SETD3: variants seen among roughly 807,000 people sequenced by gnomAD.
The protein encoded by SETD3 is actin-histidine N-methyltransferase.
Under a neutral mutation model 63.0 loss-of-function variants are expected in SETD3, and 19 were observed. The ratio of observed to expected loss-of-function variants is 0.30; its 90% CI spans 0.21 to 0.44. SETD3 has a LOEUF of 0.44. SETD3 is among the 20% of genes least tolerant of loss of function. The pLI, the probability that SETD3 is intolerant of heterozygous loss-of-function variation, is 1.00. For missense variants in SETD3, 587 were observed against 728.5 expected (o/e 0.81, Z 2.24); for synonymous variants, 286 against 264.1 (o/e 1.08, Z -0.80).
intron 8 of SETD3, among the ~76,000 whole-genome samples, chr14:99,408,999 G>A (rs1348807776): frequency 6.6e-6 from 1 of 152,102 alleles, no homozygotes; most frequent in Non-Finnish European, 1.5e-5. Context: ...TACCACCTAC[G>A]CCCAGAAATC....
chr14:99,482,195 G>A, upstream of SETD3, among the ~76,000 whole-genome samples: 1 of 152,208 alleles, frequency 6.6e-6, no homozygotes, highest in East Asian at 1.9e-4. Flanking sequence ...AGTCATCTGA[G>A]GTTAGGAACT....
intron 1 of SETD3, among the ~76,000 whole-genome samples, chr14:99,467,385 TC>T (rs1256039398): frequency 2.0e-5 from 3 of 152,178 alleles, no homozygotes; most frequent in African/African-American, 7.2e-5. Context: ...AGAAATGTCT[TC>T]TTAGAAGAGA....
At chr14:99,481,144 G>A, upstream of SETD3, 1 of 338,974 alleles carries the variant, frequency 3.0e-6, no homozygotes, top group Non-Finnish European at 5.3e-6. Context: ...CCCCGCCTAC[G>A]CGCCCAAGTT....
At chr14:99,424,490 G>A (rs1892771042) in intron 6 of SETD3, among the ~76,000 whole-genome samples, 1 of 152,178 alleles carries the variant, frequency 6.6e-6, no homozygotes, top group Non-Finnish European at 1.5e-5. Context: ...CTTGATAAAT[G>A]TTGTGATTAA....
chr14:99,431,022 C>T (rs1390178410), intron 6 of SETD3, among the ~76,000 whole-genome samples: 1 of 152,178 alleles, frequency 6.6e-6, no homozygotes, highest in East Asian at 1.9e-4. Context: ...CAAATGTAAA[C>T]CACACAGTGG....
intron 1 of SETD3, among the ~76,000 whole-genome samples, chr14:99,466,768 T>A (rs983863207): frequency 2.6e-5 from 4 of 150,988 alleles, no homozygotes; most frequent in Non-Finnish European, 5.9e-5. Context: ...GCCAGAGGAG[T>A]CTGGCTTTGA....
intron 1 of SETD3, among the ~76,000 whole-genome samples, chr14:99,476,860 G>A (rs1422100756): frequency 6.6e-6 from 1 of 152,166 alleles, no homozygotes; most frequent in African/African-American, 2.4e-5. Context: ...TTTATTAAGA[G>A]TTCTATGTAT....
chr14:99,448,366 C>A (rs1056262748), intron 6 of SETD3, among the ~76,000 whole-genome samples: 2 of 152,162 alleles, frequency 1.3e-5, no homozygotes, highest in African/African-American at 4.8e-5. Flanking sequence ...CAGCTTCAGC[C>A]CCCTTCTCAC....
chr14:99,424,657 T>A (rs1892779947), intron 6 of SETD3, among the ~76,000 whole-genome samples: 1 of 151,770 alleles, frequency 6.6e-6, no homozygotes, highest in African/African-American at 2.4e-5. Context: ...TTCCCTTAGC[T>A]CTAAGGGGGG....
intron 1 of SETD3, among the ~76,000 whole-genome samples, chr14:99,479,199 A>T (rs905069125): frequency 6.6e-6 from 1 of 152,228 alleles, no homozygotes; most frequent in African/African-American, 2.4e-5. Flanking sequence ...GAGGGCAGAC[A>T]GGAAAGGGGT....
At chr14:99,457,947 A>T (rs967139200) in intron 6 of SETD3, among the ~76,000 whole-genome samples, 2 of 152,212 alleles carry the variant, frequency 1.3e-5, no homozygotes, top group Non-Finnish European at 1.5e-5. Flanking sequence ...AAATTTATAC[A>T]CAGAGTAACT....
At position 99,443,505 on chromosome 14, in the gene SETD3, G is replaced by A. The variant is rs540256210; in HGVS notation, c.675+14774C>T. 1.2e-4 allele frequency among the ~76,000 whole-genome samples: 18 copies of A among 152,186 alleles called. No homozygotes were observed. In the East Asian group the frequency reaches 3.5e-3, roughly 29 times the overall value. On this transcript the variant is annotated intron_variant, in intron 6 of 12. Transcript: ENST00000331768. ...GACCTCAAGTGATCCGCCCACCTTG[G>A]CCTCCCAAAGTGCTGGGATTACAGG...
intron 6 of SETD3, among the ~76,000 whole-genome samples, chr14:99,456,202 T>C (rs561043232): frequency 6.6e-6 from 1 of 152,332 alleles, no homozygotes; most frequent in East Asian, 1.9e-4. Context: ...CTTATATGTG[T>C]GACCAGACAC....
chr14:99,454,110 C>A (rs1256547687), intron 6 of SETD3, among the ~76,000 whole-genome samples: 1 of 152,054 alleles, frequency 6.6e-6, no homozygotes, highest in Non-Finnish European at 1.5e-5. Flanking sequence ...TTAAAAATAG[C>A]AAACATTATC....
chr14:99,472,314 T>C (rs1298001997), intron 1 of SETD3, among the ~76,000 whole-genome samples: 2 of 152,248 alleles, frequency 1.3e-5, no homozygotes, highest in East Asian at 3.8e-4. Flanking sequence ...GAGGTGTTAG[T>C]ATCCAGTATG....
At chr14:99,420,495 C>T (rs1375672413) in intron 6 of SETD3, among the ~76,000 whole-genome samples, 2 of 152,158 alleles carry the variant, frequency 1.3e-5, no homozygotes, top group African/African-American at 4.8e-5. Flanking sequence ...AGAGGCTGCA[C>T]CAGGGACTGG....
chr14:99,456,998 G>A (rs976086397), intron 6 of SETD3, among the ~76,000 whole-genome samples: 4 of 152,210 alleles, frequency 2.6e-5, no homozygotes, highest in African/African-American at 9.6e-5. Flanking sequence ...TGTCCAGCAA[G>A]AGAAAATGAC....
chr14:99,434,424 G>GA lies in SETD3; in HGVS notation c.676-20491dup, dbSNP rs1491346334. On this transcript the variant is annotated intron_variant, in intron 6 of 12. Transcript: ENST00000331768. ...GCACTGATGGGGAAAGGACAGTGGG[G>GA]AGTTTTACAGAATGAGAAGAGCGCT... Among the ~76,000 whole-genome samples the GA allele has an allele frequency of 5.3e-5, 8 of 152,176 alleles. No individual in the cohort carries two copies. The South Asian group carries it at 1.7e-3, about 32-fold the overall frequency.
At chr14:99,430,957 G>C (rs1037004086) in intron 6 of SETD3, among the ~76,000 whole-genome samples, 2 of 152,180 alleles carry the variant, frequency 1.3e-5, no homozygotes, top group Non-Finnish European at 2.9e-5. Flanking sequence ...TGAACACTGA[G>C]TGCCTACTGT....
Sources: gnomAD v4.1 joint callset for allele counts (sites outside exome capture counted in the v4.1 genomes callset) on GRCh38, gnomAD v4.1.1 for gene constraint, MANE v1.5 for transcripts, NCBI Gene and HGNC (gene_info 2026-07-23, HGNC 2026-07-21) for gene names.